APLF: variants seen among roughly 807,000 people sequenced by gnomAD.
APLF encodes the protein aprataxin and PNK-like factor.
APLF carries 61 observed loss-of-function variants against 55.6 expected under a neutral mutation model. That is an observed-to-expected ratio of 1.10 (90% CI 0.89 to 1.36). APLF has a LOEUF of 1.36. Ranked by LOEUF, APLF falls within the 40% of genes most tolerant of loss-of-function variation. The probability of loss-of-function intolerance (pLI) is 0.00; values close to 1 mark genes in which losing one functional copy is unlikely to be tolerated. For missense variants in APLF, 611 were observed against 602.5 expected (o/e 1.01, Z -0.15); for synonymous variants, 207 against 214.8 (o/e 0.96, Z 0.32).
At chr2:68,516,591 C>T (rs951943459) in intron 5 of APLF, among the ~76,000 whole-genome samples, 8 of 150,888 alleles carry the variant, frequency 5.3e-5, no homozygotes, top group South Asian at 4.2e-4. Flanking sequence ...CCTCACTCCC[C>T]GACCCTTCCT....
chr2:68,562,478 AGATAAT>A (rs961841748), intron 8 of APLF, among the ~76,000 whole-genome samples: 5 of 152,026 alleles, frequency 3.3e-5, no homozygotes. Flanking sequence ...CAGATGATAG[AGATAAT>A]GCATACATGT....
At chr2:68,549,827 A>G (rs1205463874) in intron 8 of APLF, among the ~76,000 whole-genome samples, 1 of 152,034 alleles carries the variant, frequency 6.6e-6, no homozygotes, top group Non-Finnish European at 1.5e-5. Flanking sequence ...CCAGCTGTAA[A>G]TTTGTCCTCA....
At chr2:68,546,012 A>T (rs777826050) in intron 8 of APLF, among the ~76,000 whole-genome samples, 6 of 152,146 alleles carry the variant, frequency 3.9e-5, no homozygotes, top group Admixed American at 3.9e-4. Context: ...ATAATTTTAA[A>T]TACAGATTGC....
intron 5 of APLF, among the ~76,000 whole-genome samples, chr2:68,518,517 T>C (rs1235275988): frequency 2.6e-5 from 3 of 116,982 alleles, no homozygotes; most frequent in Admixed American, 2.1e-4. Context: ...GTTAATATAT[T>C]ATTATATTAT....
chr2:68,504,815 G>T (rs1372185235), intron 3 of APLF, among the ~76,000 whole-genome samples: 4 of 152,000 alleles, frequency 2.6e-5, no homozygotes, highest in African/African-American at 7.2e-5. Context: ...TCTATTATAT[G>T]ATTACATTTA....
chr2:68,509,617 G>A (rs150201660), intron 3 of APLF, among the ~76,000 whole-genome samples: 2 of 152,106 alleles, frequency 1.3e-5, no homozygotes, highest in Non-Finnish European at 2.9e-5. Context: ...TACACTGTTG[G>A]TGGGACTGTA....
intron 8 of APLF, among the ~76,000 whole-genome samples, chr2:68,555,085 G>A (rs930974234): frequency 1.3e-5 from 2 of 152,114 alleles, no homozygotes; most frequent in Non-Finnish European, 2.9e-5. Context: ...AACAAATGGT[G>A]CATGAATAAT....
At position 68,537,869 on chromosome 2, in the gene APLF, C is replaced by T; in HGVS notation, c.805-3C>T. The T allele has an allele frequency of 6.5e-7, 1 of 1,538,854 alleles. No homozygotes were observed. On this transcript the variant is annotated splice_region_variant and splice_polypyrimidine_tract_variant and intron_variant, in intron 6 of 9. Transcript: ENST00000303795. ...TCTGATGTTTTTCATATTTGTTTTA[C>T]AGGAAATGCCACAATCATTTTCTGC...
chr2:68,483,115 C>G (rs1676016605), intron 1 of APLF, among the ~76,000 whole-genome samples: 1 of 152,094 alleles, frequency 6.6e-6, no homozygotes, highest in South Asian at 2.1e-4. Flanking sequence ...GCCCCCAGAG[C>G]AGGACGCCCT....
intron 1 of APLF, among the ~76,000 whole-genome samples, chr2:68,470,068 C>T (rs770153011): frequency 3.3e-5 from 5 of 152,142 alleles, no homozygotes; most frequent in Non-Finnish European, 1.5e-5. Flanking sequence ...TTCTTGTTCC[C>T]TTTGCTTTCA....
intron 2 of APLF, among the ~76,000 whole-genome samples, chr2:68,491,427 A>G (rs921467114): frequency 6.6e-6 from 1 of 152,228 alleles, no homozygotes; most frequent in East Asian, 1.9e-4. Flanking sequence ...TGTTGAATGC[A>G]TGAGTAAACG....
Position 68,579,899 on chromosome 2 carries a change from CAA to C in APLF, c.*1878_*1879del. The C allele has an allele frequency of 2.3e-6, 1 of 430,302 alleles. No individual in the cohort carries two copies. Among genetic ancestry groups the C allele is most frequent in the African/African-American group, 2.1e-5 (1 of 46,672 alleles). The allele number at this position is 430,302 out of a possible 1,614,324, so 26.7% of individuals were successfully genotyped here. A position where few individuals can be genotyped will look rare whatever the true frequency, so the allele number is the denominator to read the frequency against. ...CACAACTCTGTAAATATATTACAAA[CAA>C]TGCATTGTACACTTTCAAAGGGTAG... On this transcript the variant is annotated 3_prime_UTR_variant, in exon 10 of 10. Coordinates refer to ENST00000303795, the MANE Select transcript of APLF (RefSeq NM_173545.3).
At chr2:68,526,922 T>A (rs565422933) in intron 6 of APLF, among the ~76,000 whole-genome samples, 27 of 152,298 alleles carry the variant, frequency 1.8e-4, no homozygotes, top group African/African-American at 6.3e-4. Flanking sequence ...TCCTTTTTTT[T>A]AATTAAAAAG....
intron 1 of APLF, among the ~76,000 whole-genome samples, chr2:68,470,160 C>T (rs1421177937): frequency 3.3e-5 from 5 of 152,168 alleles, no homozygotes; most frequent in African/African-American, 9.7e-5. Flanking sequence ...GAAGGTTTTA[C>T]AGCAGGATTA....
chr2:68,486,772 A>G (rs933837587), intron 1 of APLF, among the ~76,000 whole-genome samples: 1 of 152,202 alleles, frequency 6.6e-6, no homozygotes, highest in African/African-American at 2.4e-5. Context: ...TAATTATTCT[A>G]TAAAAATTGG....
chr2:68,535,834 G>A (rs150653801), intron 6 of APLF, among the ~76,000 whole-genome samples: 1 of 152,186 alleles, frequency 6.6e-6, no homozygotes, highest in East Asian at 1.9e-4. Flanking sequence ...AGGCCAAAAG[G>A]TTTTAAGGTT....
intron 8 of APLF, among the ~76,000 whole-genome samples, chr2:68,561,269 A>G (rs2104053235): frequency 6.6e-6 from 1 of 152,254 alleles, no homozygotes; most frequent in African/African-American, 2.4e-5. Flanking sequence ...CCTCCTTTTC[A>G]GATGAGGAAA....
intron 1 of APLF, among the ~76,000 whole-genome samples, chr2:68,469,370 T>C (rs926431049): frequency 9.9e-5 from 15 of 152,194 alleles, no homozygotes; most frequent in Non-Finnish European, 1.6e-4. Flanking sequence ...TTTAGAAACA[T>C]GGCAACAGAT....
At position 68,496,247 on chromosome 2, in the gene APLF, G is replaced by A. The variant is rs528082607; in HGVS notation, c.168+5986G>A. On this transcript the variant is annotated intron_variant, in intron 2 of 9. Coordinates refer to ENST00000303795, the MANE Select transcript of APLF (RefSeq NM_173545.3). ...CTCCCAAGTAGCTGGGACTACAGGCGCGTGTCACCACGCCCGGCTAATTTT... is the reference window on the plus strand; with the variant it reads ...CTCCCAAGTAGCTGGGACTACAGGCACGTGTCACCACGCCCGGCTAATTTT... 1.6e-3 allele frequency among the ~76,000 whole-genome samples: 245 copies of A among 152,214 alleles called. 2 individuals are homozygous for A. Among genetic ancestry groups the A allele is most frequent in the Middle Eastern group, 3.4e-3 (1 of 294 alleles).
Sources: allele counts gnomAD v4.1 joint callset (sites outside exome capture counted in the v4.1 genomes callset), GRCh38; gene constraint gnomAD v4.1.1; transcripts MANE v1.5; gene names NCBI Gene and HGNC (gene_info 2026-07-23, HGNC 2026-07-21).